Variants in ULK2 observed in about 807,000 individuals in gnomAD.
ULK2 encodes serine/threonine-protein kinase ULK2.
A neutral mutation model predicts 127.5 loss-of-function variants in ULK2; 76 were observed. That is an observed-to-expected ratio of 0.60 (90% CI 0.50 to 0.72). ULK2 has a LOEUF of 0.72. Among genes scored for constraint, ULK2 ranks in the 30% least tolerant of loss-of-function variants. The pLI is 0.00. For missense variants in ULK2, 1,144 were observed against 1,295.9 expected, an observed-to-expected ratio of 0.88 and a Z score of 1.80; for synonymous variants, 452 against 461.9, an observed-to-expected ratio of 0.98 and a Z score of 0.28.
intron 14 of ULK2, 55 bp downstream of exon 14, chr17:19,810,323 C>T: frequency 9.0e-7 from 1 of 1,109,374 alleles, no homozygotes; most frequent in Non-Finnish European, 1.3e-6. Context: ...TATAACCTTA[C>T]TCACAAAAAT....
intron 18 of ULK2, among the ~76,000 whole-genome samples, chr17:19,796,648 A>G (rs192825515): frequency 1.4e-3 from 215 of 152,282 alleles, no homozygotes; most frequent in African/African-American, 4.6e-3. Context: ...TTAAATCTGT[A>G]CTAAATAAAT....
intron 1 of ULK2, among the ~76,000 whole-genome samples, chr17:19,866,979 C>T (rs2042364713): frequency 6.6e-6 from 1 of 152,144 alleles, no homozygotes; most frequent in Admixed American, 6.5e-5. Flanking sequence ...GGGAAAAAAA[C>T]CAAAGGTCCA....
At chr17:19,809,604 G>A (rs1163444913) in intron 14 of ULK2, among the ~76,000 whole-genome samples, 6 of 151,812 alleles carry the variant, frequency 4.0e-5, no homozygotes, top group Non-Finnish European at 5.9e-5. Context: ...ATGGTGGTGC[G>A]TACCTGTAAT....
chr17:19,800,310 CAGAG>C lies in ULK2; in HGVS notation c.1442-739_1442-736del, dbSNP rs562763471. Among the ~76,000 whole-genome samples the C allele has an allele frequency of 1.6e-3, 236 of 152,146 alleles. 2 individuals carry two copies. The highest frequency in any genetic ancestry group is 2.1e-3 in the Non-Finnish European group (145 of 67,996). ...ATTTCTCTGAGAATTAAAACTAACACAGAGAGAGAGAGTTAGGGAAGGCTTCAGG... is the reference window on the plus strand; with the variant it reads ...ATTTCTCTGAGAATTAAAACTAACACAGAGAGAGTTAGGGAAGGCTTCAGG... On this transcript the variant is annotated intron_variant, in intron 16 of 26. Coordinates refer to ENST00000395544, the MANE Select transcript of ULK2 (RefSeq NM_014683.4).
intron 10 of ULK2, among the ~76,000 whole-genome samples, chr17:19,836,358 G>A (rs1298135589): frequency 6.6e-6 from 1 of 151,868 alleles, no homozygotes; most frequent in Non-Finnish European, 1.5e-5. Flanking sequence ...GCAGTGAGCC[G>A]AGATCGCGCC....
At chr17:19,803,213 A>T (rs157393) in intron 15 of ULK2, among the ~76,000 whole-genome samples, 1 of 150,464 alleles carries the variant, frequency 6.6e-6, no homozygotes, top group Admixed American at 6.6e-5. Context: ...ACTTGGAACT[A>T]GAACAATCAT....
rs778085241 is a variant in ULK2 at position 19,781,889 on chromosome 17, C to A, written c.2639G>T (p.Gly880Val). The change falls in exon 23 of 27, where the codon GGG becomes GTG. Residue 880 changes from glycine to valine, a missense_variant and splice_region_variant. This residue lies in a region of ULK2 where 913 missense variants were observed against 970.5 expected (regional missense o/e 0.94). Transcript: ENST00000395544. ...DQISQLSKDW[G>V]RVEQLVLYMK... is the part of the protein sequence containing the mutation. ...AAATGAATGACAAGGGGGCACCCACCCCCAGTCTTTGCTCAGCTGACTGAT... is the reference window on the plus strand; with the variant it reads ...AAATGAATGACAAGGGGGCACCCACACCCAGTCTTTGCTCAGCTGACTGAT... 6 of 1,612,156 alleles carry A rather than the reference C, an allele frequency of 3.7e-6. No individual in the cohort carries two copies. The highest frequency in any genetic ancestry group is 5.1e-6 in the Non-Finnish European group (6 of 1,179,142).
At chr17:19,821,417 ATT>A (rs2041140606) in intron 12 of ULK2, among the ~76,000 whole-genome samples, 1 of 17,794 alleles carries the variant, frequency 5.6e-5, no homozygotes, top group African/African-American at 4.8e-4. Context: ...ATTGTTTGTA[ATT>A]TTTTGTTTTG....
In ULK2 at chr17:19,821,230, G is replaced by A. The variant is rs547725132; in HGVS notation, c.924+3864C>T. 9.9e-5 allele frequency among the ~76,000 whole-genome samples: 15 copies of A among 152,084 alleles called. No individual in the cohort carries two copies. The South Asian group carries it at 2.5e-3, about 25-fold the overall frequency. On this transcript the variant is annotated intron_variant, in intron 12 of 26. Coordinates refer to ENST00000395544, the MANE Select transcript of ULK2 (RefSeq NM_014683.4). ...GCTGAGGCAGGAGAATCACTTGAAC[G>A]CGGGAGGCAGAGGTTGCAGTGAGCC... is the stretch of plus-strand genomic sequence containing the variant.
rs979868356 is a variant in ULK2 at position 19,775,335 on chromosome 17, T to C, written c.*1014A>G. 8 of 152,590 alleles carry C rather than the reference T, an allele frequency of 5.2e-5. No individual in the cohort carries two copies. Among genetic ancestry groups the C allele is most frequent in the African/African-American group, 1.7e-4 (7 of 41,450 alleles). 9.5% of individuals were successfully genotyped at this position (152,590 alleles called of 1,614,324 possible). A position where few individuals can be genotyped will look rare whatever the true frequency, so the allele number is the denominator to read the frequency against. On this transcript the variant is annotated 3_prime_UTR_variant, in exon 27 of 27. Coordinates refer to ENST00000395544, the MANE Select transcript of ULK2 (RefSeq NM_014683.4). ...AACTTCATTTTCCACTCACTGCATG[T>C]AGGAACTCCACATCACTAACAAGCC...
At chr17:19,813,481 C>T (rs778108933) in intron 13 of ULK2, among the ~76,000 whole-genome samples, 37 of 152,092 alleles carry the variant, frequency 2.4e-4, no homozygotes, top group Non-Finnish European at 5.3e-4. Context: ...CAGCAGGGCA[C>T]TCAGGTACTT....
In ULK2 at chr17:19,771,893, G is replaced by A. The variant is rs1385758412; in HGVS notation, c.*4456C>T. 3 of 152,262 alleles carry A rather than the reference G, an allele frequency of 2.0e-5. No individual in the cohort carries two copies. The highest frequency in any genetic ancestry group is 2.9e-5 in the Non-Finnish European group (2 of 68,080). 9.4% of individuals were successfully genotyped at this position (152,262 alleles called of 1,614,324 possible). A position where few individuals can be genotyped will look rare whatever the true frequency, so the allele number is the denominator to read the frequency against. On this transcript the variant is annotated 3_prime_UTR_variant, in exon 27 of 27. Coordinates refer to ENST00000395544, the MANE Select transcript of ULK2 (RefSeq NM_014683.4). Reference sequence around the variant, plus strand: ...ACAGAAGCTAACTGTCCAAGAGCACGACTGTCTTGGGACAGGAGATCATGC... The same window carrying A: ...ACAGAAGCTAACTGTCCAAGAGCACAACTGTCTTGGGACAGGAGATCATGC...
chr17:19,837,120 T>G (rs992983766), intron 10 of ULK2, among the ~76,000 whole-genome samples: 1 of 150,428 alleles, frequency 6.6e-6, no homozygotes, highest in Non-Finnish European at 1.5e-5. Flanking sequence ...AACAAAAGAA[T>G]CTATTTAATA....
intron 2 of ULK2, 48 bp from the exon 3 acceptor site, chr17:19,864,892 TTACTA>T (rs2042320580): frequency 1.1e-6 from 1 of 883,456 alleles, no homozygotes; most frequent in African/African-American, 1.7e-5. Flanking sequence ...TCTAATGACT[TTACTA>T]TATTTTAATA....
intron 25 of ULK2, 24 bp from the exon 26 acceptor site, chr17:19,777,740 A>C: frequency 6.3e-7 from 1 of 1,579,354 alleles, no homozygotes; most frequent in Non-Finnish European, 8.6e-7. Context: ...ACAAAAACAC[A>C]ATTCTCTCAA....
chr17:19,832,089 C>T (rs1008397939), intron 10 of ULK2, among the ~76,000 whole-genome samples: 1 of 151,576 alleles, frequency 6.6e-6, no homozygotes, highest in African/African-American at 2.4e-5. Flanking sequence ...GATGACGCCA[C>T]TGCACTCCAG....
chr17:19,857,543 TCA>T (rs1302835793), intron 3 of ULK2, among the ~76,000 whole-genome samples: 2 of 152,158 alleles, frequency 1.3e-5, no homozygotes, highest in Admixed American at 6.6e-5. Context: ...GTCAGATGTC[TCA>T]GTTTTATGAG....
At chr17:19,804,870 T>C (rs781668036) in intron 14 of ULK2, 40 bp from the exon 15 acceptor site, 55 of 1,599,456 alleles carry the variant, frequency 3.4e-5, no homozygotes, top group Non-Finnish European at 4.4e-5. Flanking sequence ...GAAACAGTGG[T>C]AGGATTGTTT....
chr17:19,823,473 C>T (rs1384921243), intron 12 of ULK2, among the ~76,000 whole-genome samples: 1 of 152,146 alleles, frequency 6.6e-6, no homozygotes, highest in Non-Finnish European at 1.5e-5. Context: ...CCCACAGGCT[C>T]CTTTATGTTT....
Sources: allele counts gnomAD v4.1 joint callset (sites outside exome capture counted in the v4.1 genomes callset), GRCh38; gene constraint gnomAD v4.1.1; regional missense constraint gnomAD v4.1.1; transcripts MANE v1.5; gene names NCBI Gene and HGNC (gene_info 2026-07-23, HGNC 2026-07-21).